Variants in NALCN observed in about 807,000 individuals in gnomAD.
The protein encoded by NALCN is sodium leak channel NALCN.
A neutral mutation model predicts 225.3 loss-of-function variants in NALCN; 111 were observed. The ratio of observed to expected loss-of-function variants is 0.49; its 90% CI spans 0.42 to 0.58. NALCN has a LOEUF of 0.58. Among genes scored for constraint, NALCN ranks in the 20% least tolerant of loss-of-function variants. NALCN has a pLI of 0.00. For missense variants in NALCN, 1,378 were observed against 2,202.4 expected (o/e 0.63, Z 7.49); for synonymous variants, 764 against 769.0 (o/e 0.99, Z 0.11).
At chr13:101,065,381 C>A in intron 40 of NALCN, 23 bp downstream of exon 40, 1 of 1,613,142 alleles carries the variant, frequency 6.2e-7, no homozygotes, top group Non-Finnish European at 8.5e-7. Flanking sequence ...CCCCATTCAG[C>A]CCTGCGAAAG....
In NALCN at chr13:101,219,376, C is replaced by T. The variant is rs780898943; in HGVS notation, c.1626+10017G>A. Among the ~76,000 whole-genome samples the T allele has an allele frequency of 2.2e-4, 33 of 152,194 alleles. No homozygotes were observed. In the East Asian group the frequency reaches 3.5e-3, roughly 16 times the overall value. On this transcript the variant is annotated intron_variant, in intron 13 of 43. Coordinates refer to ENST00000251127, the MANE Select transcript of NALCN (RefSeq NM_052867.4). ...ATGAACAATACTGGGAAAAGGAATC[C>T]GGCATGCTGAGCCTCACCCAGTATG...
chr13:101,413,755 T>TA (rs1476783291), intron 1 of NALCN, among the ~76,000 whole-genome samples: 1 of 152,122 alleles, frequency 6.6e-6, no homozygotes, highest in African/African-American at 2.4e-5. Flanking sequence ...AAAAATCAAT[T>TA]AAAAAAATTT....
At chr13:101,317,577 T>G (rs501306) in intron 7 of NALCN, among the ~76,000 whole-genome samples, 62,030 of 152,048 alleles carry the variant, frequency 0.41, 13,006 homozygotes, top group Middle Eastern at 0.47. Context: ...CCTGATCTGG[T>G]CAATTGCATC....
At chr13:101,338,446 C>T (rs1476085784) in intron 7 of NALCN, among the ~76,000 whole-genome samples, 2 of 152,138 alleles carry the variant, frequency 1.3e-5, no homozygotes, top group Non-Finnish European at 2.9e-5. Context: ...TTTTATCATC[C>T]AATGACATTC....
At chr13:101,213,918 T>A (rs1222372722) in intron 13 of NALCN, among the ~76,000 whole-genome samples, 2 of 152,186 alleles carry the variant, frequency 1.3e-5, no homozygotes, top group African/African-American at 4.8e-5. Context: ...AGAAATACCA[T>A]TTGACCCAGC....
intron 14 of NALCN, 101 bp from the exon 15 acceptor site, chr13:101,176,475 C>T (rs1484513815): frequency 1.4e-6 from 1 of 691,622 alleles, no homozygotes; most frequent in Non-Finnish European, 2.1e-6. Context: ...GTATATAATT[C>T]ATTAAATGCA....
intron 9 of NALCN, among the ~76,000 whole-genome samples, chr13:101,287,104 T>A (rs879836995): frequency 6.6e-6 from 1 of 152,218 alleles, no homozygotes; most frequent in Non-Finnish European, 1.5e-5. Flanking sequence ...CTCAAACATA[T>A]GCCCTTGGCT....
intron 7 of NALCN, among the ~76,000 whole-genome samples, chr13:101,295,741 C>T (rs1019142079): frequency 5.3e-5 from 8 of 152,154 alleles, no homozygotes; most frequent in East Asian, 1.9e-4. Context: ...GTTTCCCATA[C>T]GTGAACTACA....
intron 7 of NALCN, among the ~76,000 whole-genome samples, chr13:101,326,328 T>G (rs1291707070): frequency 6.6e-6 from 1 of 152,160 alleles, no homozygotes; most frequent in Non-Finnish European, 1.5e-5. Flanking sequence ...CAATAAATAT[T>G]TGCTGAATGA....
At chr13:101,119,399 T>C (rs778713818) in intron 18 of NALCN, among the ~76,000 whole-genome samples, 1 of 152,198 alleles carries the variant, frequency 6.6e-6, no homozygotes, top group Non-Finnish European at 1.5e-5. Context: ...AAAGTTACGT[T>C]ATAAAACCAA....
In NALCN at chr13:101,131,313, T is replaced by C. The variant is rs1246654588; in HGVS notation, c.2119-6632A>G. ...TTTCCTTGTCTACAGTGAGAGACAG[T>C]ATTCTGCTGTTTTTTTCTTATAATA... is the stretch of plus-strand genomic sequence containing the variant. On this transcript the variant is annotated intron_variant, in intron 17 of 43. Transcript: ENST00000251127. Among the ~76,000 whole-genome samples, 8 of 152,298 alleles carry C rather than the reference T, an allele frequency of 5.3e-5. No individual in the cohort carries two copies. In the East Asian group the frequency reaches 1.2e-3, roughly 22 times the overall value.
chr13:101,268,574 C>T (rs1490407143), intron 10 of NALCN, among the ~76,000 whole-genome samples: 2 of 152,098 alleles, frequency 1.3e-5, no homozygotes, highest in Non-Finnish European at 2.9e-5. Flanking sequence ...TGTTTAGAGA[C>T]TCCTTATCAA....
At chr13:101,169,374 A>G (rs2038606024) in intron 15 of NALCN, among the ~76,000 whole-genome samples, 1 of 152,194 alleles carries the variant, frequency 6.6e-6, no homozygotes, top group Admixed American at 6.5e-5. Context: ...TTTACTTTAA[A>G]TACTGGGATA....
chr13:101,136,940 T>G (rs1443444032), intron 17 of NALCN, among the ~76,000 whole-genome samples: 1 of 152,200 alleles, frequency 6.6e-6, no homozygotes. Context: ...GTGTTCCTAT[T>G]TCTCCACATC....
rs2030873818 is a variant in NALCN at position 101,053,902 on chromosome 13, A to G, written c.*1393T>C. On this transcript the variant is annotated 3_prime_UTR_variant, in exon 44 of 44. Transcript: ENST00000251127. ...GTTCTTTATCTCATAGTTACAATGA[A>G]TCATATAAACTGTAGACTGCCACTA... is the stretch of plus-strand genomic sequence containing the variant. The G allele has an allele frequency of 6.6e-6, 1 of 152,222 alleles. No individual in the cohort carries two copies. The highest frequency in any genetic ancestry group is 6.5e-5 in the Admixed American group (1 of 15,284). 9.4% of individuals were successfully genotyped at this position (152,222 alleles called of 1,614,324 possible).
At chr13:101,271,538 C>T (rs375955046) in intron 10 of NALCN, among the ~76,000 whole-genome samples, 15 of 151,908 alleles carry the variant, frequency 9.9e-5, no homozygotes, top group Admixed American at 7.9e-4. Context: ...CTTTTTCCTA[C>T]AAACTTTTCC....
At chr13:101,083,879 G>C in intron 30 of NALCN, 75 bp from the exon 31 acceptor site, 1 of 1,367,846 alleles carries the variant, frequency 7.3e-7, no homozygotes, top group Middle Eastern at 1.8e-4. Flanking sequence ...ATGGGGTGCC[G>C]AGACAAACAG....
At chr13:101,316,178 CT>C in intron 7 of NALCN, among the ~76,000 whole-genome samples, 1 of 142,808 alleles carries the variant, frequency 7.0e-6, no homozygotes, top group South Asian at 2.2e-4. Flanking sequence ...AAATGTCCTT[CT>C]CATCAAAACT....
chr13:101,198,802 C>A (rs1049591187), intron 13 of NALCN, among the ~76,000 whole-genome samples: 29 of 152,130 alleles, frequency 1.9e-4, no homozygotes, highest in African/African-American at 5.1e-4. Flanking sequence ...TATATACTCA[C>A]AGGATTATAA....
Sources: allele counts gnomAD v4.1 joint callset (sites outside exome capture counted in the v4.1 genomes callset), GRCh38; gene constraint gnomAD v4.1.1; transcripts MANE v1.5; gene names NCBI Gene and HGNC (gene_info 2026-07-23, HGNC 2026-07-21).